Variants in IL15 observed in about 807,000 individuals in gnomAD.
IL15 encodes interleukin-15.
IL15 carries 11 observed loss-of-function variants against 19.6 expected under a neutral mutation model. The observed-to-expected ratio is 0.56, with a 90% CI of 0.35 to 0.93. IL15 has a LOEUF of 0.93. Among genes scored for constraint, IL15 ranks in the 40% least tolerant of loss-of-function variants. The probability of loss-of-function intolerance (pLI) is 0.01; values close to 1 mark genes in which losing one functional copy is unlikely to be tolerated. For missense variants in IL15, 197 were observed against 186.5 expected (o/e 1.06, Z -0.33); for synonymous variants, 58 against 59.6 (o/e 0.97, Z 0.12).
At chr4:141,708,935 A>G (rs1729613690) in intron 2 of IL15, among the ~76,000 whole-genome samples, 1 of 151,924 alleles carries the variant, frequency 6.6e-6, no homozygotes, top group African/African-American at 2.4e-5. Context: ...GGATTACTTT[A>G]AATGATAATT....
intron 5 of IL15, among the ~76,000 whole-genome samples, chr4:141,722,586 G>A (rs1560938042): frequency 6.6e-6 from 1 of 152,136 alleles, no homozygotes; most frequent in Non-Finnish European, 1.5e-5. Context: ...TAGGACCAGA[G>A]TGTCCTAACA....
chr4:141,643,353 G>A (rs1212684102), intron 1 of IL15, among the ~76,000 whole-genome samples: 1 of 152,000 alleles, frequency 6.6e-6, no homozygotes, highest in Non-Finnish European at 1.5e-5. Flanking sequence ...ACATTTTACA[G>A]GAAAACTTAC....
At chr4:141,729,780 A>G in intron 6 of IL15, 67 bp from the exon 7 acceptor site, 2 of 883,448 alleles carry the variant, frequency 2.3e-6, no homozygotes, top group Non-Finnish European at 3.6e-6. Context: ...TTGAAAATCA[A>G]AATTACATCA....
intron 1 of IL15, among the ~76,000 whole-genome samples, chr4:141,638,796 G>T (rs1412106775): frequency 6.6e-6 from 1 of 152,150 alleles, no homozygotes; most frequent in East Asian, 1.9e-4. Flanking sequence ...GAAATGCTGG[G>T]TACATGTGGA....
intron 2 of IL15, among the ~76,000 whole-genome samples, chr4:141,697,193 G>T (rs551983370): frequency 9.2e-5 from 14 of 152,014 alleles, no homozygotes; most frequent in African/African-American, 3.1e-4. Context: ...TGTATAAGGC[G>T]AGAGATGAGG....
intron 2 of IL15, among the ~76,000 whole-genome samples, chr4:141,692,316 A>G (rs1032949348): frequency 1.3e-5 from 2 of 152,196 alleles, no homozygotes; most frequent in Non-Finnish European, 2.9e-5. Context: ...GATCTCTGAA[A>G]TGCCTGGAGA....
chr4:141,707,401 AC>A (rs1316326263), intron 2 of IL15, among the ~76,000 whole-genome samples: 1 of 152,134 alleles, frequency 6.6e-6, no homozygotes, highest in Non-Finnish European at 1.5e-5. Flanking sequence ...GTATCATTTT[AC>A]TTGGGGTCTT....
At chr4:141,681,420 A>G (rs1451542841) in intron 2 of IL15, among the ~76,000 whole-genome samples, 1 of 152,146 alleles carries the variant, frequency 6.6e-6, no homozygotes, top group Non-Finnish European at 1.5e-5. Flanking sequence ...CTTCACATGC[A>G]TTATTTATTT....
intron 2 of IL15, among the ~76,000 whole-genome samples, chr4:141,687,618 A>G (rs771241732): frequency 6.6e-6 from 1 of 152,198 alleles, no homozygotes; most frequent in Non-Finnish European, 1.5e-5. Flanking sequence ...TCAGTAAATT[A>G]GCACTTACCC....
At chr4:141,660,095 T>C (rs1727738964) in intron 2 of IL15, among the ~76,000 whole-genome samples, 1 of 152,192 alleles carries the variant, frequency 6.6e-6, no homozygotes, top group Non-Finnish European at 1.5e-5. Context: ...AGAAAGGCAC[T>C]ATTTGTATCA....
intron 2 of IL15, among the ~76,000 whole-genome samples, chr4:141,671,953 G>A (rs926254911): frequency 6.6e-6 from 1 of 152,128 alleles, no homozygotes; most frequent in African/African-American, 2.4e-5. Flanking sequence ...TATACACATG[G>A]CAGGTTTTTA....
At chr4:141,665,845 A>G (rs1727953272) in intron 2 of IL15, among the ~76,000 whole-genome samples, 1 of 152,090 alleles carries the variant, frequency 6.6e-6, no homozygotes. Flanking sequence ...GTTTCTGTCC[A>G]TGGTTTCTGT....
intron 3 of IL15, among the ~76,000 whole-genome samples, chr4:141,719,879 A>G (rs894922301): frequency 6.6e-6 from 1 of 152,156 alleles, no homozygotes; most frequent in Non-Finnish European, 1.5e-5. Flanking sequence ...CAAAAGAGGC[A>G]GGTGAAAGTA....
At chr4:141,647,951 G>A (rs1422054000) in intron 1 of IL15, among the ~76,000 whole-genome samples, 1 of 152,016 alleles carries the variant, frequency 6.6e-6, no homozygotes, top group Admixed American at 6.6e-5. Context: ...GAATTGTGAT[G>A]GTGGAGTTGG....
chr4:141,654,257 G>A (rs74790983), intron 1 of IL15, among the ~76,000 whole-genome samples: 4,027 of 152,262 alleles, frequency 0.026, 177 homozygotes, highest in African/African-American at 0.091. Flanking sequence ...GGATGTTACA[G>A]CTCTGGAAGG....
chr4:141,656,042 C>G, intron 1 of IL15, 144 bp from the exon 2 acceptor site: 1 of 393,574 alleles, frequency 2.5e-6, no homozygotes, highest in Non-Finnish European at 4.5e-6. Context: ...GAAGTTCAGT[C>G]TTGACTTATG....
rs538000656 is a variant in IL15, at chr4:141,700,922, T to C, written c.-99-18444T>C. On this transcript the variant is annotated intron_variant, in intron 2 of 7. Transcript: ENST00000320650. ...TTGTTCTAGTCTATTGTTGAAACTTTCCACTGCATTTTGTATTTCCATGGC... is the reference window on the plus strand; with the variant it reads ...TTGTTCTAGTCTATTGTTGAAACTTCCCACTGCATTTTGTATTTCCATGGC... Among the ~76,000 whole-genome samples the C allele has an allele frequency of 5.3e-5, 8 of 152,376 alleles. No homozygotes were observed. In the East Asian group the frequency reaches 9.6e-4, roughly 18 times the overall value.
At chr4:141,649,476 C>T (rs111883245) in intron 1 of IL15, among the ~76,000 whole-genome samples, 12 of 152,060 alleles carry the variant, frequency 7.9e-5, no homozygotes, top group African/African-American at 2.7e-4. Context: ...CTCAAGCATG[C>T]ACACTTCCTA....
intron 1 of IL15, among the ~76,000 whole-genome samples, chr4:141,640,506 G>C (rs1727005494): frequency 6.6e-6 from 1 of 152,014 alleles, no homozygotes; most frequent in African/African-American, 2.4e-5. Context: ...AATAGACCCT[G>C]GTCACCATTT....
Sources: allele counts gnomAD v4.1 joint callset (sites outside exome capture counted in the v4.1 genomes callset), GRCh38; gene constraint gnomAD v4.1.1; transcripts MANE v1.5; gene names NCBI Gene and HGNC (gene_info 2026-07-23, HGNC 2026-07-21).